The following MGST1 variants were observed in gnomAD, a reference collection of about 807,000 sequenced individuals.
MGST1 encodes microsomal glutathione S-transferase 1.
In MGST1, 5 loss-of-function variants were observed where a neutral mutation model predicts 8.9. The observed-to-expected ratio is 0.56, with a 90% CI of 0.29 to 1.19. MGST1 has a LOEUF of 1.19. Ranked by LOEUF, MGST1 falls within the 50% of genes most tolerant of loss-of-function variation. MGST1 has a pLI of 0.08. For synonymous variants in MGST1, 54 were observed against 67.8 expected, an observed-to-expected ratio of 0.80 and a Z score of 1.00; for missense variants, 182 against 187.4, an observed-to-expected ratio of 0.97 and a Z score of 0.17.
rs983688998 is a variant in MGST1, at chr12:16,546,373, C to T, written n.483-43155C>T. Among the ~76,000 whole-genome samples the T allele has an allele frequency of 7.9e-5, 12 of 152,006 alleles. No individual in the cohort carries two copies. Among genetic ancestry groups the T allele is most frequent in the Non-Finnish European group, 8.8e-5 (6 of 67,970 alleles). On this transcript the variant is annotated intron_variant and non_coding_transcript_variant, in intron 4 of 4. Transcript: ENST00000538857. This position sits in a 1 kb window ranked among gnomAD's most constrained non-coding sequence, Gnocchi z 4.7. ...AAGCCAAAATATTCTGTAATCACCC[C>T]GGTGATACCAATTTCGAGTATTCAG... is the stretch of plus-strand genomic sequence containing the variant.
In MGST1 at chr12:16,540,949, A is replaced by G. The variant is rs575206733; in HGVS notation, n.483-48579A>G. On this transcript the variant is annotated intron_variant and non_coding_transcript_variant, in intron 4 of 4. Coordinates refer to the MGST1 transcript ENST00000538857. ...AAAAATAAAGAAATTTTAGAGGGGC[A>G]CAAGGTTAAAACCTGATTTTGGATT... is the stretch of plus-strand genomic sequence containing the variant. 8.2e-4 allele frequency among the ~76,000 whole-genome samples: 125 copies of G among 152,328 alleles called. 1 individual carries two copies. The highest frequency in any genetic ancestry group is 2.9e-3 in the African/African-American group (122 of 41,588).
intron 1 of MGST1, among the ~76,000 whole-genome samples, chr12:16,419,772 C>T (rs1459028073): frequency 2.0e-5 from 3 of 152,060 alleles, no homozygotes; most frequent in East Asian, 1.9e-4. Context: ...CTTTGATGGC[C>T]GTAATCTTTG....
intron 4 of MGST1, among the ~76,000 whole-genome samples, chr12:16,519,170 T>C (rs1941633223): frequency 6.6e-6 from 1 of 152,214 alleles, no homozygotes; most frequent in Admixed American, 6.5e-5. Flanking sequence ...TTTTCTCATC[T>C]GTAAAGCAGA....
At chr12:16,379,377 A>G (rs1940427672), downstream of MGST1, among the ~76,000 whole-genome samples, 1 of 152,238 alleles carries the variant, frequency 6.6e-6, no homozygotes. Context: ...AATTTTGTCA[A>G]AGGCCTTTTC....
intron 4 of MGST1, among the ~76,000 whole-genome samples, chr12:16,486,459 A>G (rs190893505): frequency 6.6e-6 from 1 of 152,310 alleles, no homozygotes; most frequent in African/African-American, 2.4e-5. Context: ...TGGCAAATTT[A>G]TTTTTCTAAG....
chr12:16,515,380 A>G lies in MGST1; in HGVS notation n.483-74148A>G, dbSNP rs1302258171. Among the ~76,000 whole-genome samples, 3 of 152,308 alleles carry G rather than the reference A, an allele frequency of 2.0e-5. No individual in the cohort carries two copies. In the East Asian group the frequency reaches 5.8e-4, roughly 29 times the overall value. ...ATTTAAAAATAAAGAGGCCGAGCAC[A>G]GTGGCTCATGACTAATCCCAGCACT... On this transcript the variant is annotated intron_variant and non_coding_transcript_variant, in intron 4 of 4. Transcript: ENST00000538857.
At chr12:16,358,414 AT>A (rs1294361154) in intron 3 of MGST1, among the ~76,000 whole-genome samples, 1 of 150,610 alleles carries the variant, frequency 6.6e-6, no homozygotes, top group African/African-American at 2.4e-5. Flanking sequence ...GTGTTAATTC[AT>A]TTAGGGTACT....
intron 4 of MGST1, among the ~76,000 whole-genome samples, chr12:16,456,143 A>G (rs1436421079): frequency 6.6e-6 from 1 of 151,942 alleles, no homozygotes; most frequent in East Asian, 1.9e-4. Flanking sequence ...TGTCTCTATA[A>G]TTTTAAAATA....
rs376003140 is a variant in MGST1 at position 16,534,053 on chromosome 12, G to A, written n.483-55475G>A. On this transcript the variant is annotated intron_variant and non_coding_transcript_variant, in intron 4 of 4. Transcript: ENST00000538857. ...AGTCTGGAAAGGTAGATGAAGCCAT[G>A]CATGTTATTTTGGGATGTGGAAAAA... Among the ~76,000 whole-genome samples, 126 of 152,266 alleles carry A rather than the reference G, an allele frequency of 8.3e-4. 5 individuals carry two copies. The South Asian group carries it at 0.025, about 30-fold the overall frequency.
intron 4 of MGST1, among the ~76,000 whole-genome samples, chr12:16,523,656 T>C (rs577673044): frequency 6.6e-6 from 1 of 152,194 alleles, no homozygotes; most frequent in East Asian, 1.9e-4. Flanking sequence ...AAAATGACTA[T>C]CCATTCTTTG....
chr12:16,514,162 C>A, intron 4 of MGST1: 1 of 347,634 alleles, frequency 2.9e-6, no homozygotes, highest in Non-Finnish European at 5.6e-6. Context: ...GATGCCTGGG[C>A]TGTGCGCCAC....
At chr12:16,578,956 C>A (rs1239493452) in intron 4 of MGST1, among the ~76,000 whole-genome samples, 2 of 152,262 alleles carry the variant, frequency 1.3e-5, no homozygotes, top group African/African-American at 2.4e-5. Context: ...AGAAAAAGTT[C>A]TTTATTCTAA....
chr12:16,351,941 G>A (rs1002926294), intron 1 of MGST1, among the ~76,000 whole-genome samples: 1 of 152,186 alleles, frequency 6.6e-6, no homozygotes, highest in African/African-American at 2.4e-5. Context: ...TATAAGGGGT[G>A]CCTACTTGTG....
chr12:16,440,246 T>TACACAC (rs55778046), downstream of MGST1, among the ~76,000 whole-genome samples: 330 of 148,946 alleles, frequency 2.2e-3, 2 homozygotes, highest in East Asian at 9.2e-3. Context: ...AATGTGTGTG[T>TACACAC]ACACACACAC....
chr12:16,514,581 G>A (rs558306148), intron 4 of MGST1, among the ~76,000 whole-genome samples: 47 of 152,306 alleles, frequency 3.1e-4, no homozygotes, highest in African/African-American at 4.1e-4. Flanking sequence ...CTCCATCTAC[G>A]TGACAAAGGA....
At chr12:16,399,036 C>T (rs2268357) in intron 1 of MGST1, among the ~76,000 whole-genome samples, 25,498 of 151,954 alleles carry the variant, frequency 0.17, 2,479 homozygotes, top group East Asian at 0.43. Flanking sequence ...ACAGCAAGAG[C>T]CTCCTCCTGT....
chr12:16,494,901 A>G (rs536254475), intron 4 of MGST1, among the ~76,000 whole-genome samples: 2 of 152,286 alleles, frequency 1.3e-5, no homozygotes, highest in African/African-American at 4.8e-5. Flanking sequence ...GAAAATTCTT[A>G]TATCAATGTT....
At chr12:16,423,554 C>CAA (rs5796670) in intron 1 of MGST1, among the ~76,000 whole-genome samples, 26 of 151,132 alleles carry the variant, frequency 1.7e-4, no homozygotes, top group Admixed American at 9.9e-4. Flanking sequence ...AACCTATGTA[C>CAA]AAAAAAAATC....
At chr12:16,468,393 G>A (rs1481842132) in intron 4 of MGST1, among the ~76,000 whole-genome samples, 1 of 7,406 alleles carries the variant, frequency 1.4e-4, no homozygotes, top group Admixed American at 3.5e-3. Context: ...TTTGTATCGG[G>A]TCTCGTTGTT....
Sources: allele counts gnomAD v4.1 joint callset (sites outside exome capture counted in the v4.1 genomes callset), GRCh38; gene constraint gnomAD v4.1.1; non-coding constraint Gnocchi (gnomAD v3.1); transcripts MANE v1.5; gene names NCBI Gene and HGNC (gene_info 2026-07-23, HGNC 2026-07-21).